SLC9A4: variants seen among roughly 807,000 people sequenced by gnomAD.
SLC9A4 encodes the protein sodium/hydrogen exchanger 4.
SLC9A4 carries 63 observed loss-of-function variants against 67.4 expected under a neutral mutation model. The observed-to-expected ratio is 0.93, with a 90% CI of 0.76 to 1.15. SLC9A4 has a LOEUF of 1.15. Ranked by LOEUF, SLC9A4 falls within the 50% of genes most tolerant of loss-of-function variation. The probability of loss-of-function intolerance (pLI) is 0.00; values close to 1 mark genes in which losing one functional copy is unlikely to be tolerated. For missense variants in SLC9A4, 1,089 were observed against 987.7 expected (o/e 1.10, Z -1.38); for synonymous variants, 393 against 367.2 (o/e 1.07, Z -0.80).
chr2:102,502,803 G>C (rs933579431), intron 2 of SLC9A4, among the ~76,000 whole-genome samples: 1 of 152,252 alleles, frequency 6.6e-6, no homozygotes, highest in Admixed American at 6.5e-5. Flanking sequence ...ATGGGAGGAC[G>C]GGGAGAAGGC....
chr2:102,498,942 C>T (rs1295872059), intron 2 of SLC9A4, among the ~76,000 whole-genome samples: 1 of 152,178 alleles, frequency 6.6e-6, no homozygotes. Context: ...ACTAAAGAAA[C>T]TCCTGTGAGG....
At chr2:102,485,896 C>G (rs1211852504) in intron 2 of SLC9A4, among the ~76,000 whole-genome samples, 1 of 152,170 alleles carries the variant, frequency 6.6e-6, no homozygotes, top group Non-Finnish European at 1.5e-5. Context: ...GGGATAAAAT[C>G]AGGGGCAGGC....
At chr2:102,506,741 C>T (rs1685057692) in intron 4 of SLC9A4, among the ~76,000 whole-genome samples, 1 of 152,136 alleles carries the variant, frequency 6.6e-6, no homozygotes, top group Non-Finnish European at 1.5e-5. Flanking sequence ...AGTAAAATTA[C>T]AGAGCTTTAG....
chr2:102,484,568 A>T (rs953105530), intron 2 of SLC9A4, among the ~76,000 whole-genome samples: 1 of 152,234 alleles, frequency 6.6e-6, no homozygotes, highest in African/African-American at 2.4e-5. Flanking sequence ...GTATTGAAGC[A>T]GCTCCCGGAC....
At chr2:102,493,159 G>T (rs535538364) in intron 2 of SLC9A4, among the ~76,000 whole-genome samples, 9 of 152,256 alleles carry the variant, frequency 5.9e-5, no homozygotes, top group African/African-American at 2.2e-4. Context: ...AGCCTTCCAA[G>T]TCTCTTGGAA....
chr2:102,496,453 C>T (rs746120869), intron 2 of SLC9A4, among the ~76,000 whole-genome samples: 1 of 152,154 alleles, frequency 6.6e-6, no homozygotes, highest in African/African-American at 2.4e-5. Flanking sequence ...CAAATCTACA[C>T]TGAAAGTCCA....
chr2:102,474,068 A>T, intron 1 of SLC9A4, 53 bp downstream of exon 1: 2 of 1,571,484 alleles, frequency 1.3e-6, no homozygotes, highest in Non-Finnish European at 1.7e-6. Flanking sequence ...TAAGATAGTG[A>T]ATGTGAAAAT....
chr2:102,531,354 G>A (rs1674776156), intron 11 of SLC9A4, among the ~76,000 whole-genome samples: 1 of 152,174 alleles, frequency 6.6e-6, no homozygotes, highest in Admixed American at 6.5e-5. Context: ...GAAGATGTGT[G>A]CACATTGAAG....
Position 102,508,910 on chromosome 2 carries a change from A to G in SLC9A4, c.1465A>G (p.Ile489Val), listed in dbSNP as rs1256338996. 6.2e-7 allele frequency: 1 copy of G among 1,612,952 alleles called. No homozygotes were observed. Among genetic ancestry groups the G allele is most frequent in the Non-Finnish European group, 8.5e-7 (1 of 1,179,616 alleles). The change falls in exon 6 of 12, where the codon ATC becomes GTC. Residue 489 changes from isoleucine (I) to valine (V), a missense_variant. Ile to Val is a conservative substitution (Grantham distance 29, BLOSUM62 3). Transcript: ENST00000295269. ...DVKKTNKKESINEELHIRLMD... is the reference protein window; with the variant it reads ...DVKKTNKKESVNEELHIRLMD... ...TAAAAAAACCAATAAAAAAGAATCC[A>G]TCAATGAAGAGCTTCATATTCGTGT...
rs909060167 is a variant in SLC9A4, at chr2:102,508,096, T to C, written c.1216T>C (p.Tyr406His). The change falls in exon 5 of 12, where the codon TAT becomes CAT. Residue 406 changes from tyrosine (Y) to histidine (H), a missense_variant. Physicochemically the swap from Tyr to His is moderately conservative, Grantham distance 83. Coordinates refer to ENST00000295269, the MANE Select transcript of SLC9A4 (RefSeq NM_001011552.4). The part of the protein sequence containing the change: ...WRAISVFALF[Y>H]ISNQFRTFPF... The stretch of plus-strand genomic sequence containing the variant: ...CTTTCTAGGCGTATTTGCTCTCTTC[T>C]ATATCAGTAACCAGTTTCGGACTTT... The C allele has an allele frequency of 6.2e-7, 1 of 1,614,160 alleles. No individual in the cohort carries two copies. The highest frequency in any genetic ancestry group is 1.3e-5 in the African/African-American group (1 of 75,024).
chr2:102,475,379 G>T (rs1466875987), intron 1 of SLC9A4, among the ~76,000 whole-genome samples: 6 of 152,150 alleles, frequency 3.9e-5, no homozygotes, highest in East Asian at 3.8e-4. Context: ...CACAGAAATG[G>T]CTCAAGTCAA....
In SLC9A4 at chr2:102,514,129, C is replaced by T. The variant is rs200443203; in HGVS notation, c.1599C>T (p.Leu533=). ...ATCATAGATACTTACGGAAAATCCT[C>T]ATCAGAAAGAACCTACCCAAATCAA... is the stretch of plus-strand genomic sequence containing the variant. The part of the protein sequence containing the change: ...KFDHRYLRKI[L]IRKNLPKSSI... The change falls in exon 8 of 12, where the codon CTC becomes CTT. Residue 533 remains leucine, a synonymous_variant. Coordinates refer to ENST00000295269, the MANE Select transcript of SLC9A4 (RefSeq NM_001011552.4). 2 of 1,613,390 alleles carry T rather than the reference C, an allele frequency of 1.2e-6. No individual in the cohort carries two copies. Among genetic ancestry groups the T allele is most frequent in the African/African-American group, 2.7e-5 (2 of 74,986 alleles).
intron 2 of SLC9A4, among the ~76,000 whole-genome samples, chr2:102,490,770 G>A (rs980710337): frequency 3.9e-5 from 6 of 152,128 alleles, no homozygotes; most frequent in African/African-American, 1.2e-4. Context: ...TTACCATCAG[G>A]ATGAACTTGA....
At position 102,508,911 on chromosome 2, in the gene SLC9A4, T is replaced by C. The variant is rs2104437272; in HGVS notation, c.1466T>C (p.Ile489Thr). ...DVKKTNKKES[I>T]NEELHIRLMD... ...AAAAAAACCAATAAAAAAGAATCCA[T>C]CAATGAAGAGCTTCATATTCGTGTA... Residue 489 changes from isoleucine to threonine, a missense_variant, in exon 6 of 12, where the codon ATC (isoleucine) becomes ACC (threonine). Ile to Thr is a moderately conservative substitution (Grantham distance 89, BLOSUM62 -1). Transcript: ENST00000295269. 1 of 1,612,864 alleles carries C rather than the reference T, an allele frequency of 6.2e-7. No individual in the cohort carries two copies. The highest frequency in any genetic ancestry group is 2.2e-5 in the East Asian group (1 of 44,824).
intron 1 of SLC9A4, among the ~76,000 whole-genome samples, chr2:102,476,125 C>G (rs35181686): frequency 0.24 from 37,019 of 152,088 alleles, 4,832 homozygotes; most frequent in African/African-American, 0.32. Context: ...AACTCTCCCC[C>G]AATCCTTTTT....
At chr2:102,502,805 G>A (rs1387597439) in intron 2 of SLC9A4, among the ~76,000 whole-genome samples, 2 of 152,260 alleles carry the variant, frequency 1.3e-5, no homozygotes, top group South Asian at 4.1e-4. Context: ...GGGAGGACGG[G>A]GAGAAGGCTC....
rs184212192 is a variant in SLC9A4 at position 102,525,983 on chromosome 2, G to T, written c.1951-276G>T. Among the ~76,000 whole-genome samples the T allele has an allele frequency of 1.9e-3, 283 of 152,224 alleles. 1 individual carries two copies. Among genetic ancestry groups the T allele is most frequent in the African/African-American group, 6.4e-3 (266 of 41,522 alleles). ...GCTCACTGAAACCTCTGTCTCCCGGGTTCATGCGATTCTCCTGCCTCAGCC... is the reference window on the plus strand; with the variant it reads ...GCTCACTGAAACCTCTGTCTCCCGGTTTCATGCGATTCTCCTGCCTCAGCC... On this transcript the variant is annotated intron_variant, in intron 10 of 11. Transcript: ENST00000295269.
Position 102,512,227 on chromosome 2 carries a change from A to G in SLC9A4, c.1513A>G (p.Ile505Val), listed in dbSNP as rs143745747. 42 of 1,613,982 alleles carry G rather than the reference A, an allele frequency of 2.6e-5. No individual in the cohort carries two copies. Among genetic ancestry groups the G allele is most frequent in the Non-Finnish European group, 3.5e-5 (41 of 1,179,992 alleles). Residue 505 changes from isoleucine (I) to valine (V), a missense_variant, in exon 7 of 12, where the codon ATC becomes GTC. Coordinates refer to ENST00000295269, the MANE Select transcript of SLC9A4 (RefSeq NM_001011552.4). Reference protein sequence around the residue: ...IRLMDHLKAGIEDVCGHWSHY... With the variant: ...IRLMDHLKAGVEDVCGHWSHY... ...GCTGATGGATCACTTAAAGGCTGGA[A>G]TCGAAGATGTGTGTGGGCACTGGAG...
intron 2 of SLC9A4, among the ~76,000 whole-genome samples, chr2:102,499,149 G>T (rs1684870792): frequency 6.6e-6 from 1 of 152,136 alleles, no homozygotes; most frequent in African/African-American, 2.4e-5. Context: ...CCAGGAAGGG[G>T]CCTATCTCAG....
Sources: allele counts gnomAD v4.1 joint callset (sites outside exome capture counted in the v4.1 genomes callset), GRCh38; gene constraint gnomAD v4.1.1; transcripts MANE v1.5; gene names NCBI Gene and HGNC (gene_info 2026-07-23, HGNC 2026-07-21).